Variants in SIPA1L1 observed in about 807,000 individuals in gnomAD.
SIPA1L1 encodes signal induced proliferation associated 1 like 1.
A neutral mutation model predicts 162.7 loss-of-function variants in SIPA1L1; 26 were observed. The observed-to-expected ratio is 0.16, with a 90% confidence interval of 0.12 to 0.22. SIPA1L1 has a LOEUF of 0.22. Ranked by LOEUF, SIPA1L1 falls within the 10% of genes least tolerant of loss-of-function variation. The probability of loss-of-function intolerance (pLI) is 1.00; values close to 1 mark genes in which losing one functional copy is unlikely to be tolerated. For synonymous variants in SIPA1L1, 829 were observed against 837.4 expected (o/e 0.99, Z 0.17); for missense variants, 1,874 against 2,241.0 (o/e 0.84, Z 3.31).
chr14:71,638,843 T>C (rs1244079732), intron 7 of SIPA1L1, among the ~76,000 whole-genome samples: 1 of 152,224 alleles, frequency 6.6e-6, no homozygotes, highest in Admixed American at 6.5e-5. Context: ...CAGTTAGATT[T>C]CTTTCAGTGA....
chr14:71,445,567 C>T (rs1425232474), intron 2 of SIPA1L1, among the ~76,000 whole-genome samples: 1 of 152,034 alleles, frequency 6.6e-6, no homozygotes, highest in Admixed American at 6.6e-5. Context: ...ATCGGTTGTA[C>T]TGGTGGTTCA....
At position 71,362,806 on chromosome 14, in the gene SIPA1L1, C is replaced by T. The variant is rs117381119; in HGVS notation, c.-465+41625C>T. ...ATCAAAGGACTATACTTTCAGGTAA[C>T]GATGTAATTTCACTTTATCTTAATA... On this transcript the variant is annotated intron_variant, in intron 2 of 23. Transcript: ENST00000381232. 6.8e-3 allele frequency among the ~76,000 whole-genome samples: 1,042 copies of T among 152,200 alleles called. 7 individuals carry two copies. The highest frequency in any genetic ancestry group is 0.012 in the Non-Finnish European group (800 of 68,008).
chr14:71,647,296 G>A (rs2042251405), intron 7 of SIPA1L1, among the ~76,000 whole-genome samples: 1 of 152,094 alleles, frequency 6.6e-6, no homozygotes, highest in Non-Finnish European at 1.5e-5. Context: ...CTAGGGTATA[G>A]AATTCAGTCA....
At chr14:71,720,187 T>C (rs2083595461) in intron 17 of SIPA1L1, among the ~76,000 whole-genome samples, 2 of 152,210 alleles carry the variant, frequency 1.3e-5, no homozygotes, top group Admixed American at 6.5e-5. Context: ...TTTATATCTT[T>C]CTCCAGGTTT....
At chr14:71,706,302 T>C (rs2082435836) in intron 16 of SIPA1L1, among the ~76,000 whole-genome samples, 1 of 152,186 alleles carries the variant, frequency 6.6e-6, no homozygotes, top group Non-Finnish European at 1.5e-5. Context: ...ATTATCCCAA[T>C]TGATCTATAA....
rs2085586098 is a variant in SIPA1L1, at chr14:71,739,081, C to T, written c.5272C>T (p.Leu1758=). ...GCACCTGCGAGAGGACAACCTGAGG[C>T]TACAGGAGGAGTCCCAGAACGCCTC... ...VQHLREDNLR[L]QEESQNASDK... is the part of the protein sequence containing the mutation. Residue 1758 remains leucine (L), a synonymous_variant, in exon 24 of 24, where the codon CTA becomes TTA. Transcript: ENST00000381232. The T allele has an allele frequency of 6.2e-7, 1 of 1,614,124 alleles. No individual in the cohort carries two copies. The highest frequency in any genetic ancestry group is 8.5e-7 in the Non-Finnish European group (1 of 1,179,996).
At chr14:71,678,441 A>G (rs556597169) in intron 12 of SIPA1L1, among the ~76,000 whole-genome samples, 210 of 152,298 alleles carry the variant, frequency 1.4e-3, no homozygotes, top group Non-Finnish European at 2.5e-3. Context: ...GCTGGATTAC[A>G]TTTATTGATT....
Position 71,611,430 on chromosome 14 carries a change from A to G in SIPA1L1, c.1499-7327A>G, listed in dbSNP as rs539561982. ...TTAATGTTATGTTATGTTCTAGGAT[A>G]CATGTGCAGGACGTGCAGGTTTGTT... On this transcript the variant is annotated intron_variant, in intron 5 of 23. Coordinates refer to ENST00000381232, the MANE Select transcript of SIPA1L1 (RefSeq NM_001386936.1). 3.4e-5 allele frequency among the ~76,000 whole-genome samples: 5 copies of G among 147,654 alleles called. No homozygotes were observed. In the East Asian group the frequency reaches 9.6e-4, roughly 28 times the overall value.
At chr14:71,546,937 G>T (rs1019138884) in intron 4 of SIPA1L1, among the ~76,000 whole-genome samples, 2 of 152,094 alleles carry the variant, frequency 1.3e-5, no homozygotes, top group Non-Finnish European at 2.9e-5. Flanking sequence ...CCAAGATTGA[G>T]GATCGGTTTT....
intron 5 of SIPA1L1, among the ~76,000 whole-genome samples, chr14:71,612,322 C>T (rs561620174): frequency 6.6e-6 from 1 of 152,142 alleles, no homozygotes; most frequent in Non-Finnish European, 1.5e-5. Flanking sequence ...TATTACGTCT[C>T]TACCAAGGGC....
At chr14:71,580,520 C>T (rs541117628) in intron 4 of SIPA1L1, among the ~76,000 whole-genome samples, 1 of 152,166 alleles carries the variant, frequency 6.6e-6, no homozygotes, top group Admixed American at 6.5e-5. Context: ...GAGATATAAG[C>T]AATTGTGTTA....
At chr14:71,542,657 C>G (rs1445740031) in intron 4 of SIPA1L1, among the ~76,000 whole-genome samples, 2 of 113,344 alleles carry the variant, frequency 1.8e-5, no homozygotes, top group Non-Finnish European at 4.0e-5. Flanking sequence ...TCTTCCCCTC[C>G]TCCTCCTCCC....
intron 2 of SIPA1L1, among the ~76,000 whole-genome samples, chr14:71,502,255 A>ATATATATATATATATATATAT (rs1555440997): frequency 7.2e-5 from 7 of 97,550 alleles, no homozygotes; most frequent in African/African-American, 2.3e-4. Context: ...AAAAAAAAAA[A>ATATATATATATATATATATAT]ATATATATAT....
intron 2 of SIPA1L1, among the ~76,000 whole-genome samples, chr14:71,464,982 G>T (rs563990111): frequency 6.6e-6 from 1 of 152,144 alleles, no homozygotes; most frequent in Non-Finnish European, 1.5e-5. Context: ...CTTAGGGGAG[G>T]CTATCACTGT....
intron 12 of SIPA1L1, 150 bp downstream of exon 12, chr14:71,672,772 C>A: frequency 2.3e-6 from 2 of 858,456 alleles, no homozygotes; most frequent in Non-Finnish European, 3.5e-6. Flanking sequence ...GAGTCTGACT[C>A]AGGACGAAGC....
chr14:71,419,132 G>A (rs1245324321), intron 2 of SIPA1L1, among the ~76,000 whole-genome samples: 1 of 152,036 alleles, frequency 6.6e-6, no homozygotes, highest in East Asian at 1.9e-4. Context: ...GCCTGTAATA[G>A]TTTCCTTAAT....
intron 2 of SIPA1L1, among the ~76,000 whole-genome samples, chr14:71,437,749 T>C (rs1369540677): frequency 6.6e-6 from 1 of 152,212 alleles, no homozygotes; most frequent in Non-Finnish European, 1.5e-5. Flanking sequence ...TGTTTTCCCT[T>C]TACTTTTAGT....
intron 2 of SIPA1L1, among the ~76,000 whole-genome samples, chr14:71,408,692 A>G (rs1214184379): frequency 1.3e-5 from 2 of 152,266 alleles, no homozygotes; most frequent in East Asian, 1.9e-4. Flanking sequence ...CCTTTACTCA[A>G]AACTCTCTGG....
chr14:71,602,452 TG>T (rs1459899286), intron 5 of SIPA1L1, among the ~76,000 whole-genome samples: 1 of 152,250 alleles, frequency 6.6e-6, no homozygotes, highest in Non-Finnish European at 1.5e-5. Context: ...TTTAAAGTTT[TG>T]TTGAGACTTA....
Sources: gnomAD v4.1 joint callset for allele counts (sites outside exome capture counted in the v4.1 genomes callset) on GRCh38, gnomAD v4.1.1 for gene constraint, MANE v1.5 for transcripts, NCBI Gene and HGNC (gene_info 2026-07-23, HGNC 2026-07-21) for gene names.